Variants in SPAG16 observed in about 807,000 individuals in gnomAD.
SPAG16 encodes sperm-associated antigen 16 protein.
SPAG16 carries 86 observed loss-of-function variants against 80.4 expected under a neutral mutation model. That is an observed-to-expected ratio of 1.07 (90% confidence interval 0.90 to 1.28). The LOEUF (loss-of-function observed/expected upper bound fraction) is 1.28, where lower values mean the gene tolerates loss of function less well. Ranked by LOEUF, SPAG16 falls within the 50% of genes most tolerant of loss-of-function variation. SPAG16 has a pLI of 0.00. For missense variants in SPAG16, 870 were observed against 765.3 expected (o/e 1.14, Z -1.61); for synonymous variants, 294 against 265.9 (o/e 1.11, Z -1.03).
intron 13 of SPAG16, among the ~76,000 whole-genome samples, chr2:214,083,233 C>T (rs1173552891): frequency 6.6e-6 from 1 of 152,124 alleles, no homozygotes; most frequent in Non-Finnish European, 1.5e-5. Context: ...CTTGAGACCT[C>T]TTGTCCAGGG....
intron 10 of SPAG16, among the ~76,000 whole-genome samples, chr2:213,503,170 C>A (rs1387447067): frequency 6.6e-6 from 1 of 152,146 alleles, no homozygotes; most frequent in Non-Finnish European, 1.5e-5. Context: ...TGTTTCACCT[C>A]CCCCATGAAT....
At chr2:213,329,011 C>G (rs558124633) in intron 5 of SPAG16, among the ~76,000 whole-genome samples, 1 of 152,128 alleles carries the variant, frequency 6.6e-6, no homozygotes, top group South Asian at 2.1e-4. Context: ...TTTTTGCCTG[C>G]CACCATCCAT....
chr2:213,982,579 A>C (rs2045805472), intron 12 of SPAG16, among the ~76,000 whole-genome samples: 1 of 151,626 alleles, frequency 6.6e-6, no homozygotes, highest in Non-Finnish European at 1.5e-5. Flanking sequence ...AAACATAAGC[A>C]AATACAACTT....
chr2:214,199,300 C>T (rs1194871131), intron 15 of SPAG16, among the ~76,000 whole-genome samples: 1 of 152,072 alleles, frequency 6.6e-6, no homozygotes, highest in Non-Finnish European at 1.5e-5. Flanking sequence ...AGATGAGGAT[C>T]CAGTTTCATT....
At chr2:213,846,380 C>T (rs2074628342) in intron 10 of SPAG16, among the ~76,000 whole-genome samples, 1 of 151,994 alleles carries the variant, frequency 6.6e-6, no homozygotes. Flanking sequence ...CCTGAAGAAA[C>T]TCCTCTTAGA....
chr2:213,687,183 C>A (rs2064721159), intron 10 of SPAG16, among the ~76,000 whole-genome samples: 1 of 151,956 alleles, frequency 6.6e-6, no homozygotes, highest in Non-Finnish European at 1.5e-5. Context: ...GTATGAGGAA[C>A]TTGTAAGAAA....
In SPAG16 at chr2:214,047,290, C is replaced by T. The variant is rs11693371; in HGVS notation, c.1527+33213C>T. ...ACATTACCTGACTTCAAATTATGCT[C>T]CAGAGCTTTGATTAATCATAACCAA... On this transcript the variant is annotated intron_variant, in intron 13 of 15. Coordinates refer to ENST00000331683, the MANE Select transcript of SPAG16 (RefSeq NM_024532.5). Among the ~76,000 whole-genome samples, 1,436 of 152,008 alleles carry T rather than the reference C, an allele frequency of 9.4e-3. 10 individuals carry two copies. The highest frequency in any genetic ancestry group is 0.015 in the Non-Finnish European group (1,044 of 67,892).
At chr2:213,795,899 C>G (rs531079612) in intron 10 of SPAG16, among the ~76,000 whole-genome samples, 1 of 152,294 alleles carries the variant, frequency 6.6e-6, no homozygotes, top group South Asian at 2.1e-4. Flanking sequence ...GCCTGCAGAA[C>G]CATGAGCCAG....
chr2:214,187,557 A>G (rs1428482926), intron 15 of SPAG16, among the ~76,000 whole-genome samples: 3 of 152,154 alleles, frequency 2.0e-5, no homozygotes, highest in Non-Finnish European at 4.4e-5. Context: ...TTACTGGCCC[A>G]TATGAACAAT....
At chr2:214,119,962 C>T (rs2054133766) in intron 14 of SPAG16, among the ~76,000 whole-genome samples, 1 of 152,056 alleles carries the variant, frequency 6.6e-6, no homozygotes, top group Admixed American at 6.6e-5. Context: ...ATTTTAATAT[C>T]TTGCATATTT....
intron 14 of SPAG16, among the ~76,000 whole-genome samples, chr2:214,132,125 A>G (rs1159905303): frequency 6.6e-6 from 1 of 152,236 alleles, no homozygotes; most frequent in African/African-American, 2.4e-5. Context: ...GACTTTAAAA[A>G]TAATCAGTGG....
chr2:213,696,399 G>T (rs910099251), intron 10 of SPAG16, among the ~76,000 whole-genome samples: 2 of 152,092 alleles, frequency 1.3e-5, no homozygotes, highest in African/African-American at 2.4e-5. Flanking sequence ...TTCAGTACCC[G>T]ATGTCTTGTG....
chr2:213,501,125 C>T (rs980990569), intron 10 of SPAG16, among the ~76,000 whole-genome samples: 6 of 152,174 alleles, frequency 3.9e-5, no homozygotes, highest in African/African-American at 9.7e-5. Flanking sequence ...CCATGGACTG[C>T]ACATTCCTGA....
At chr2:213,767,958 G>C (rs1251027628) in intron 10 of SPAG16, among the ~76,000 whole-genome samples, 1 of 152,192 alleles carries the variant, frequency 6.6e-6, no homozygotes, top group Non-Finnish European at 1.5e-5. Context: ...CAAATATTCT[G>C]ATGAGAGAAA....
At chr2:213,996,951 G>T (rs995661217) in intron 12 of SPAG16, among the ~76,000 whole-genome samples, 1 of 152,072 alleles carries the variant, frequency 6.6e-6, no homozygotes, top group African/African-American at 2.4e-5. Context: ...TTTCTTATAT[G>T]TTATATTCTT....
chr2:213,896,661 A>C (rs1243180378), intron 11 of SPAG16, among the ~76,000 whole-genome samples: 2 of 151,490 alleles, frequency 1.3e-5, no homozygotes, highest in East Asian at 3.9e-4. Context: ...GTGTGTTTAT[A>C]TATACAATTC....
At chr2:213,789,982 T>A (rs941971430) in intron 10 of SPAG16, among the ~76,000 whole-genome samples, 2 of 152,100 alleles carry the variant, frequency 1.3e-5, no homozygotes, top group Middle Eastern at 3.4e-3. Flanking sequence ...TAACCACTTA[T>A]ATTAATTAAA....
intron 12 of SPAG16, among the ~76,000 whole-genome samples, chr2:213,973,639 T>C (rs1459069136): frequency 7.3e-6 from 1 of 137,868 alleles, no homozygotes; most frequent in East Asian, 1.9e-4. Context: ...TTGCCCCCTT[T>C]TTTTTTTTTT....
chr2:213,452,970 T>C (rs1301207664), intron 9 of SPAG16, among the ~76,000 whole-genome samples: 1 of 152,250 alleles, frequency 6.6e-6, no homozygotes, highest in Non-Finnish European at 1.5e-5. Context: ...TCTTTTTGAA[T>C]TAACAGCTTT....
Sources: gnomAD v4.1 joint callset for allele counts (sites outside exome capture counted in the v4.1 genomes callset) on GRCh38, gnomAD v4.1.1 for gene constraint, MANE v1.5 for transcripts, NCBI Gene and HGNC (gene_info 2026-07-23, HGNC 2026-07-21) for gene names.